Variants in ANXA8 observed in about 807,000 individuals in gnomAD.
The protein encoded by ANXA8 is VAC-beta.
In ANXA8, 9 loss-of-function variants were observed where a neutral mutation model predicts 26.8. The observed-to-expected ratio is 0.34, with a 90% CI of 0.20 to 0.59. ANXA8 has a LOEUF of 0.59. Among genes scored for constraint, ANXA8 ranks in the 20% least tolerant of loss-of-function variants. The pLI is 0.84. For synonymous variants in ANXA8, 39 were observed against 94.8 expected, an observed-to-expected ratio of 0.41 and a Z score of 3.42; for missense variants, 83 against 238.5, an observed-to-expected ratio of 0.35 and a Z score of 4.29.
chr10:47,593,704 C>A, the ANXA8 span, among the ~76,000 whole-genome samples: 6 of 149,378 alleles, frequency 4.0e-5, 2 homozygotes, highest in African/African-American at 1.3e-4. Flanking sequence ...ATCACATACA[C>A]CACTGTCATA....
chr10:47,496,965 G>A, the ANXA8 span, among the ~76,000 whole-genome samples: 4 of 143,328 alleles, frequency 2.8e-5, no homozygotes, highest in African/African-American at 1.1e-4. Flanking sequence ...CCCTCATAGG[G>A]GGAAAGATCT....
chr10:47,901,790 T>C, the ANXA8 span, among the ~76,000 whole-genome samples: 12 of 149,394 alleles, frequency 8.0e-5, no homozygotes, highest in South Asian at 2.6e-3. Flanking sequence ...ATATTTTGAT[T>C]AATAAACCTA....
At chr10:47,500,781 CAG>C in the ANXA8 span, among the ~76,000 whole-genome samples, 171 of 119,058 alleles carry the variant, frequency 1.4e-3, no homozygotes, top group South Asian at 3.6e-3. Flanking sequence ...TTGCCCAGGC[CAG>C]AGTGCAGTGG....
At chr10:47,667,728 T>TTTTTG in the ANXA8 span, among the ~76,000 whole-genome samples, 2,727 of 149,694 alleles carry the variant, frequency 0.018, 2 homozygotes, top group Middle Eastern at 0.024. Context: ...AATTTTTGTT[T>TTTTTG]TTTTGTTTTG....
chr10:47,744,533 A>G, the ANXA8 span, among the ~76,000 whole-genome samples: 1 of 150,678 alleles, frequency 6.6e-6, no homozygotes. Context: ...CAGTCACTCC[A>G]CTTTGAGAAA....
At chr10:47,563,794 T>G in the ANXA8 span, 2 of 714,724 alleles carry the variant, frequency 2.8e-6, no homozygotes, top group Non-Finnish European at 5.1e-6. Context: ...CTGATTTTTT[T>G]TTAAGTTGTA....
At chr10:47,700,934 T>C in the ANXA8 span, among the ~76,000 whole-genome samples, 2 of 150,824 alleles carry the variant, frequency 1.3e-5, no homozygotes, top group African/African-American at 2.4e-5. Flanking sequence ...GTCAAAAAAT[T>C]AGCCAGGTGT....
chr10:47,631,316 C>A, the ANXA8 span, among the ~76,000 whole-genome samples: 2 of 151,916 alleles, frequency 1.3e-5, no homozygotes, highest in African/African-American at 4.8e-5. Context: ...TTGATTCCTG[C>A]AAAGTGTTAG....
chr10:47,729,803 T>A, the ANXA8 span, among the ~76,000 whole-genome samples: 4 of 137,998 alleles, frequency 2.9e-5, no homozygotes, highest in Non-Finnish European at 4.8e-5. Context: ...ATAGAAAGAG[T>A]AGTTTACTTA....
intron 1 of ANXA8, among the ~76,000 whole-genome samples, chr10:47,480,928 T>C (rs1839759205): frequency 7.6e-6 from 1 of 131,352 alleles, no homozygotes; most frequent in South Asian, 2.7e-4. Flanking sequence ...GGTTAGATTG[T>C]GAAAATACAG....
At chr10:47,666,402 T>C in the ANXA8 span, among the ~76,000 whole-genome samples, 7 of 151,248 alleles carry the variant, frequency 4.6e-5, no homozygotes, top group African/African-American at 1.5e-4. Flanking sequence ...AAGTGTTTTA[T>C]GTGCATTATC....
At chr10:47,567,889 GCTTT>G in the ANXA8 span, 1 of 394,372 alleles carries the variant, frequency 2.5e-6, no homozygotes, top group Non-Finnish European at 4.7e-6. Flanking sequence ...ATTGTGTGGC[GCTTT>G]CTGTCATTTT....
the ANXA8 span, among the ~76,000 whole-genome samples, chr10:47,975,500 A>T: frequency 6.7e-6 from 1 of 148,792 alleles, no homozygotes; most frequent in African/African-American, 2.4e-5. Flanking sequence ...TGGCAGGTGC[A>T]TGTATCAGTA....
the ANXA8 span, among the ~76,000 whole-genome samples, chr10:47,522,175 A>G: frequency 7.1e-6 from 1 of 141,620 alleles, no homozygotes; most frequent in Non-Finnish European, 1.5e-5. Flanking sequence ...ACACTCTTAC[A>G]GGGAAGTCTG....
the ANXA8 span, among the ~76,000 whole-genome samples, chr10:47,586,389 C>T: frequency 6.8e-6 from 1 of 146,002 alleles, no homozygotes; most frequent in Admixed American, 6.7e-5. Flanking sequence ...ATAATTACCA[C>T]TTCCTTGTGC....
the ANXA8 span, among the ~76,000 whole-genome samples, chr10:47,739,007 C>A: frequency 1.3e-5 from 2 of 151,332 alleles, no homozygotes; most frequent in East Asian, 2.0e-4. Flanking sequence ...TAAATTCCAA[C>A]CTCATTTTGC....
At chr10:47,767,520 A>T in the ANXA8 span, among the ~76,000 whole-genome samples, 3 of 151,904 alleles carry the variant, frequency 2.0e-5, no homozygotes, top group South Asian at 4.2e-4. Flanking sequence ...GCCTCCTCTC[A>T]ACCAGCACCA....
At chr10:47,694,219 T>C in the ANXA8 span, among the ~76,000 whole-genome samples, 4 of 151,266 alleles carry the variant, frequency 2.6e-5, no homozygotes, top group Non-Finnish European at 5.9e-5. Flanking sequence ...AAAAATCAGA[T>C]TTTTTTTGTC....
At chr10:47,667,790 TGCA>T in the ANXA8 span, among the ~76,000 whole-genome samples, 15 of 152,074 alleles carry the variant, frequency 9.9e-5, no homozygotes, top group African/African-American at 3.1e-4. Flanking sequence ...CAGGCTGGAG[TGCA>T]GTGGTGCGAT....
Sources: gnomAD v4.1 joint callset for allele counts (sites outside exome capture counted in the v4.1 genomes callset) on GRCh38, gnomAD v4.1.1 for gene constraint, MANE v1.5 for transcripts, NCBI Gene and HGNC (gene_info 2026-07-23, HGNC 2026-07-21) for gene names.